KCNIP4: variants seen among roughly 807,000 people sequenced by gnomAD.
KCNIP4 encodes the protein potassium voltage-gated channel interacting protein 4, also known as Kv channel-interacting protein 4.
A neutral mutation model predicts 34.0 loss-of-function variants in KCNIP4; 12 were observed. That is an observed-to-expected ratio of 0.35 (90% CI 0.23 to 0.57). The LOEUF is 0.57. Ranked by LOEUF, KCNIP4 falls within the 20% of genes least tolerant of loss-of-function variation. The probability of loss-of-function intolerance (pLI) is 0.83; values close to 1 mark genes in which losing one functional copy is unlikely to be tolerated. For synonymous variants in KCNIP4, 124 were observed against 102.2 expected (o/e 1.21, Z -1.29); for missense variants, 238 against 311.7 (o/e 0.76, Z 1.78).
At chr4:21,468,053 G>A (rs73249601) in intron 1 of KCNIP4, among the ~76,000 whole-genome samples, 307 of 152,204 alleles carry the variant, frequency 2.0e-3, no homozygotes, top group Middle Eastern at 3.4e-3. Context: ...TAGGGCAAAT[G>A]GATCACTCTG....
chr4:21,448,862 T>C (rs780782644), intron 1 of KCNIP4, among the ~76,000 whole-genome samples: 1 of 152,266 alleles, frequency 6.6e-6, no homozygotes, highest in South Asian at 2.1e-4. Flanking sequence ...CTGACATATA[T>C]AGGAGGTCCA....
At chr4:21,643,079 G>T (rs544257545) in intron 1 of KCNIP4, among the ~76,000 whole-genome samples, 1 of 152,130 alleles carries the variant, frequency 6.6e-6, no homozygotes, top group Non-Finnish European at 1.5e-5. Flanking sequence ...GAGTTACAGC[G>T]ATGTAACCAG....
At chr4:21,630,455 CA>C (rs11326754) in intron 1 of KCNIP4, among the ~76,000 whole-genome samples, 75,495 of 140,430 alleles carry the variant, frequency 0.54, 20,296 homozygotes, top group East Asian at 0.85. Context: ...GAGATTCCAT[CA>C]AAAAAAAAAA....
chr4:21,000,183 C>T (rs939449228), intron 1 of KCNIP4, among the ~76,000 whole-genome samples: 3 of 152,042 alleles, frequency 2.0e-5, no homozygotes, highest in Non-Finnish European at 4.4e-5. Context: ...AAATGATTAG[C>T]AAAAAATTTG....
chr4:21,939,967 C>T (rs1426326058), intron 1 of KCNIP4, among the ~76,000 whole-genome samples: 1 of 152,126 alleles, frequency 6.6e-6, no homozygotes, highest in East Asian at 1.9e-4. Context: ...TGAAATGCCT[C>T]TGCCTACACC....
chr4:21,071,332 C>A, intron 1 of KCNIP4, among the ~76,000 whole-genome samples: 1 of 152,144 alleles, frequency 6.6e-6, no homozygotes, highest in Non-Finnish European at 1.5e-5. Flanking sequence ...ATTTCTCAAG[C>A]ATGTTTTGAA....
At chr4:21,921,748 T>C (rs188890514) in intron 1 of KCNIP4, among the ~76,000 whole-genome samples, 2 of 152,214 alleles carry the variant, frequency 1.3e-5, no homozygotes, top group East Asian at 1.9e-4. Flanking sequence ...TCCAATCTAA[T>C]GTAGTCACCA....
intron 3 of KCNIP4, among the ~76,000 whole-genome samples, chr4:20,802,200 A>ATATATGC (rs1714374020): frequency 2.0e-5 from 1 of 49,852 alleles, no homozygotes; most frequent in Non-Finnish European, 4.4e-5. Context: ...TATATGCTAT[A>ATATATGC]TATATATGCT....
intron 1 of KCNIP4, among the ~76,000 whole-genome samples, chr4:21,439,809 C>T (rs1175600645): frequency 6.6e-6 from 1 of 152,174 alleles, no homozygotes; most frequent in Non-Finnish European, 1.5e-5. Context: ...CATTAGCTTC[C>T]TTCAAATTTC....
intron 1 of KCNIP4, among the ~76,000 whole-genome samples, chr4:21,077,399 A>C (rs919644417): frequency 1.3e-5 from 2 of 152,134 alleles, no homozygotes; most frequent in Admixed American, 6.6e-5. Context: ...TCTATTCTCA[A>C]GGTTCTGGAA....
chr4:21,393,244 G>T (rs1008351979), intron 1 of KCNIP4, among the ~76,000 whole-genome samples: 1 of 152,140 alleles, frequency 6.6e-6, no homozygotes, highest in African/African-American at 2.4e-5. Context: ...AGGATTGAAA[G>T]TCAAGTCAAA....
At chr4:21,776,595 T>C (rs1719196812) in intron 1 of KCNIP4, among the ~76,000 whole-genome samples, 1 of 152,126 alleles carries the variant, frequency 6.6e-6, no homozygotes, top group African/African-American at 2.4e-5. Context: ...GAGTTAATGA[T>C]CTCAAAGATG....
chr4:21,043,121 G>A (rs1406838884), intron 1 of KCNIP4, among the ~76,000 whole-genome samples: 1 of 152,080 alleles, frequency 6.6e-6, no homozygotes, highest in African/African-American at 2.4e-5. Context: ...AGTTACGGGA[G>A]GTGTTTTTAA....
At chr4:20,748,570 A>T (rs1752895481) in intron 5 of KCNIP4, among the ~76,000 whole-genome samples, 1 of 29,480 alleles carries the variant, frequency 3.4e-5, no homozygotes, top group African/African-American at 1.3e-4. Context: ...TTATATATAT[A>T]TATATATATA....
intron 1 of KCNIP4, among the ~76,000 whole-genome samples, chr4:21,443,520 G>T (rs138986952): frequency 2.0e-5 from 3 of 152,206 alleles, no homozygotes; most frequent in Admixed American, 6.5e-5. Context: ...AACATGGGTC[G>T]ACTATACCCA....
chr4:21,439,357 G>A (rs1264151917), intron 1 of KCNIP4, among the ~76,000 whole-genome samples: 1 of 152,096 alleles, frequency 6.6e-6, no homozygotes, highest in African/African-American at 2.4e-5. Flanking sequence ...ACTTCTAGTG[G>A]AATCTTAAAC....
intron 1 of KCNIP4, among the ~76,000 whole-genome samples, chr4:21,015,625 A>G (rs1279834227): frequency 5.7e-5 from 7 of 123,170 alleles, no homozygotes; most frequent in African/African-American, 1.8e-4. Flanking sequence ...AATATAGTAT[A>G]TTGTATTAAT....
At chr4:20,756,259 TA>T (rs2149354046) in intron 4 of KCNIP4, among the ~76,000 whole-genome samples, 1 of 152,102 alleles carries the variant, frequency 6.6e-6, no homozygotes, top group South Asian at 2.1e-4. Context: ...CTATATTGAG[TA>T]GATGTCAAAG....
chr4:20,821,894 C>CTT (rs1717156394), intron 3 of KCNIP4, among the ~76,000 whole-genome samples: 1 of 151,970 alleles, frequency 6.6e-6, no homozygotes, highest in African/African-American at 2.4e-5. Flanking sequence ...CTCTCTCTCT[C>CTT]TCACACACAC....
Sources: gnomAD v4.1 joint callset for allele counts (sites outside exome capture counted in the v4.1 genomes callset) on GRCh38, gnomAD v4.1.1 for gene constraint, MANE v1.5 for transcripts, NCBI Gene and HGNC (gene_info 2026-07-23, HGNC 2026-07-21) for gene names.